DCLK1: variants seen among roughly 807,000 people sequenced by gnomAD.
The protein encoded by DCLK1 is serine/threonine-protein kinase DCLK1.
A neutral mutation model predicts 86.2 loss-of-function variants in DCLK1; 16 were observed. The ratio of observed to expected loss-of-function variants is 0.19; its 90% CI spans 0.13 to 0.28. The LOEUF (loss-of-function observed/expected upper bound fraction) is 0.28. DCLK1 is among the 10% of genes least tolerant of loss of function. The probability of loss-of-function intolerance (pLI) is 1.00; values close to 1 mark genes in which losing one functional copy is unlikely to be tolerated. For missense variants in DCLK1, 590 were observed against 940.2 expected, an observed-to-expected ratio of 0.63 and a Z score of 4.87; for synonymous variants, 369 against 370.5, an observed-to-expected ratio of 1.00 and a Z score of 0.05.
intron 3 of DCLK1, among the ~76,000 whole-genome samples, chr13:36,062,314 AG>A (rs1208237283): frequency 3.9e-5 from 6 of 152,168 alleles, no homozygotes; most frequent in African/African-American, 1.4e-4. Context: ...AGCCTCCTGA[AG>A]GCCATATGGA....
At chr13:35,782,079 G>A (rs1193075840) in intron 16 of DCLK1, among the ~76,000 whole-genome samples, 8 of 152,190 alleles carry the variant, frequency 5.3e-5, no homozygotes, top group African/African-American at 1.7e-4. Context: ...ATGCAACTGA[G>A]TAGCCTTCCA....
intron 3 of DCLK1, among the ~76,000 whole-genome samples, chr13:36,080,542 C>T (rs1884386194): frequency 6.6e-6 from 1 of 152,142 alleles, no homozygotes; most frequent in Non-Finnish European, 1.5e-5. Context: ...TGAATTACTA[C>T]CTTGCTCCAG....
intron 8 of DCLK1, among the ~76,000 whole-genome samples, chr13:35,835,264 A>T (rs1360673951): frequency 6.6e-6 from 1 of 152,140 alleles, no homozygotes; most frequent in Non-Finnish European, 1.5e-5. Context: ...CCAGAAAGCC[A>T]GAGGACACAG....
At chr13:35,777,552 T>C (rs2153097263) in intron 16 of DCLK1, among the ~76,000 whole-genome samples, 1 of 152,280 alleles carries the variant, frequency 6.6e-6, no homozygotes, top group East Asian at 1.9e-4. Context: ...ACAGGTAGTA[T>C]CAAAGACCAA....
intron 4 of DCLK1, among the ~76,000 whole-genome samples, chr13:35,891,688 C>T (rs1170474317): frequency 1.3e-5 from 2 of 152,156 alleles, no homozygotes; most frequent in Admixed American, 6.5e-5. Flanking sequence ...GAGTGATGTG[C>T]AAAGTAAAGT....
chr13:35,849,866 G>GA (rs1241496180), intron 6 of DCLK1: 22,915 of 678,812 alleles, frequency 0.034, 58 homozygotes, highest in African/African-American at 0.054. Flanking sequence ...GGTCTGTATG[G>GA]AAAAAAAAAA....
chr13:35,895,287 T>TA (rs71196594), intron 4 of DCLK1, among the ~76,000 whole-genome samples: 13,930 of 140,156 alleles, frequency 0.099, 1,782 homozygotes, highest in African/African-American at 0.3. Flanking sequence ...ACAGGAAAGG[T>TA]AAAAAAAAAA....
intron 4 of DCLK1, among the ~76,000 whole-genome samples, chr13:35,928,750 C>G (rs1440725969): frequency 6.6e-6 from 1 of 152,140 alleles, no homozygotes; most frequent in Non-Finnish European, 1.5e-5. Flanking sequence ...CAAATCTATA[C>G]CTCTATGCAT....
Position 35,897,371 on chromosome 13 carries a change from C to T in DCLK1, c.824-26031G>A, listed in dbSNP as rs192969790. Among the ~76,000 whole-genome samples the T allele has an allele frequency of 3.1e-3, 469 of 152,214 alleles. 2 individuals are homozygous for T. Among genetic ancestry groups the T allele is most frequent in the African/African-American group, 0.011 (445 of 41,536 alleles). ...GCTAGGGAAGTGAGGAGTGCCTGGA[C>T]CTAGCCATGATAGCAAGAATGGAAG... On this transcript the variant is annotated intron_variant, in intron 4 of 16. Transcript: ENST00000360631.
At chr13:36,072,322 G>A (rs1481252267) in intron 3 of DCLK1, among the ~76,000 whole-genome samples, 1 of 152,120 alleles carries the variant, frequency 6.6e-6, no homozygotes, top group Non-Finnish European at 1.5e-5. Flanking sequence ...TATCTAACCA[G>A]TCACTCCTTT....
At chr13:35,958,109 C>T (rs1593767803) in intron 3 of DCLK1, among the ~76,000 whole-genome samples, 6 of 2,562 alleles carry the variant, frequency 2.3e-3, no homozygotes, top group South Asian at 6.5e-3. Context: ...CTATAACCAC[C>T]ATCACCACCA....
At chr13:35,850,295 C>T (rs1293512055) in intron 6 of DCLK1, 105 of 984,882 alleles carry the variant, frequency 1.1e-4, no homozygotes, top group Non-Finnish European at 1.2e-4. Context: ...CTGCTAGTGC[C>T]GTTTTAATAT....
intron 4 of DCLK1, among the ~76,000 whole-genome samples, chr13:35,897,212 A>AT (rs1325576889): frequency 3.3e-5 from 5 of 152,224 alleles, no homozygotes; most frequent in Non-Finnish European, 7.3e-5. Context: ...ACTCAACAAA[A>AT]TATTTTAAAA....
chr13:36,003,961 C>A (rs1184076605), intron 3 of DCLK1, among the ~76,000 whole-genome samples: 1 of 152,106 alleles, frequency 6.6e-6, no homozygotes, highest in African/African-American at 2.4e-5. Flanking sequence ...AATTTTATAT[C>A]TTTATGTTAA....
chr13:36,061,830 C>A (rs1029207181), intron 3 of DCLK1, among the ~76,000 whole-genome samples: 1 of 152,184 alleles, frequency 6.6e-6, no homozygotes, highest in African/African-American at 2.4e-5. Flanking sequence ...AACTAAGTGG[C>A]AGCCAGAGAT....
chr13:35,850,871 T>G, intron 6 of DCLK1: 1 of 1,063,058 alleles, frequency 9.4e-7, no homozygotes, highest in South Asian at 2.8e-5. Context: ...ATCCCCAGTT[T>G]CTACTATTAT....
intron 16 of DCLK1, among the ~76,000 whole-genome samples, chr13:35,789,397 T>C (rs1211206169): frequency 6.6e-6 from 1 of 152,232 alleles, no homozygotes; most frequent in Non-Finnish European, 1.5e-5. Context: ...TTAATCTTTT[T>C]AAAAATGTGT....
Position 35,980,518 on chromosome 13 carries a change from T to C in DCLK1, c.724-33061A>G, listed in dbSNP as rs538126749. ...TTTCTGTCTTTGTAATTTTGAATACTGTAGATCATGGTAGCAAAAGTAGAA... is the reference window on the plus strand; with the variant it reads ...TTTCTGTCTTTGTAATTTTGAATACCGTAGATCATGGTAGCAAAAGTAGAA... On this transcript the variant is annotated intron_variant, in intron 3 of 16. Transcript: ENST00000360631. Among the ~76,000 whole-genome samples, 7 of 152,312 alleles carry C rather than the reference T, an allele frequency of 4.6e-5. No homozygotes were observed. In the South Asian group the frequency reaches 1.5e-3, roughly 32 times the overall value.
rs1871684407 is a variant in DCLK1 at position 35,864,924 on chromosome 13, T to A, written c.940+6300A>T. Among the ~76,000 whole-genome samples the A allele has an allele frequency of 2.0e-5, 3 of 152,206 alleles. No homozygotes were observed. In the South Asian group the frequency reaches 6.2e-4, roughly 32 times the overall value. On this transcript the variant is annotated intron_variant, in intron 5 of 16. Coordinates refer to ENST00000360631, the MANE Select transcript of DCLK1 (RefSeq NM_001330071.2). The stretch of plus-strand genomic sequence containing the variant: ...GCCTAGGCCTCCCAAAGTGTTGGGA[T>A]TAAAGGTATAAGCCACCATGCCTGG...
Sources: allele counts gnomAD v4.1 joint callset (sites outside exome capture counted in the v4.1 genomes callset), GRCh38; gene constraint gnomAD v4.1.1; transcripts MANE v1.5; gene names NCBI Gene and HGNC (gene_info 2026-07-23, HGNC 2026-07-21).